TMEM108: variants seen among roughly 807,000 people sequenced by gnomAD.
TMEM108 encodes cancer/testis antigen 124.
In TMEM108, 12 loss-of-function variants were observed where a neutral mutation model predicts 35.1. The ratio of observed to expected loss-of-function variants is 0.34; its 90% CI spans 0.22 to 0.55. The LOEUF (loss-of-function observed/expected upper bound fraction) is 0.55. Ranked by LOEUF, TMEM108 falls within the 20% of genes least tolerant of loss-of-function variation. The pLI, the probability that TMEM108 is intolerant of heterozygous loss-of-function variation, is 0.89. For synonymous variants in TMEM108, 287 were observed against 308.6 expected (o/e 0.93, Z 0.73); for missense variants, 680 against 753.3 (o/e 0.90, Z 1.14).
intron 3 of TMEM108, among the ~76,000 whole-genome samples, chr3:133,352,561 G>A (rs2072035961): frequency 6.6e-6 from 1 of 152,176 alleles, no homozygotes; most frequent in Admixed American, 6.5e-5. Context: ...GTAAATCAGA[G>A]GTTCCCACAA....
chr3:133,386,382 C>T, intron 4 of TMEM108: 1 of 1,536,024 alleles, frequency 6.5e-7, no homozygotes, highest in Non-Finnish European at 8.7e-7. Flanking sequence ...GTTGAATCCT[C>T]AGGGGACCTG....
intron 2 of TMEM108, among the ~76,000 whole-genome samples, chr3:133,204,596 T>A (rs1443263040): frequency 2.0e-5 from 3 of 152,240 alleles, no homozygotes; most frequent in Non-Finnish European, 4.4e-5. Flanking sequence ...TCAGTTTCTG[T>A]GTAGTTGTGT....
chr3:133,271,601 A>C (rs956899657), intron 3 of TMEM108, among the ~76,000 whole-genome samples: 6 of 152,198 alleles, frequency 3.9e-5, no homozygotes, highest in African/African-American at 1.2e-4. Flanking sequence ...TGGTGGCTTC[A>C]CACGATTGCC....
chr3:133,135,289 A>G (rs182198133), intron 2 of TMEM108, among the ~76,000 whole-genome samples: 1 of 152,258 alleles, frequency 6.6e-6, no homozygotes, highest in East Asian at 1.9e-4. Context: ...CTCCCATACA[A>G]TATGTAATTG....
In TMEM108 at chr3:133,106,007, A is replaced by T. The variant is rs1270069252; in HGVS notation, c.-47+59987A>T. Among the ~76,000 whole-genome samples, 3 of 152,024 alleles carry T rather than the reference A, an allele frequency of 2.0e-5. No homozygotes were observed. The East Asian group carries it at 5.8e-4, about 29-fold the overall frequency. On this transcript the variant is annotated intron_variant, in intron 2 of 5. Coordinates refer to ENST00000321871, the MANE Select transcript of TMEM108 (RefSeq NM_023943.4). ...CAAATGTTTATTGATTATTCTGTTG[A>T]CAGTGCTGTGGGAGATCCTGCCCTC...
At chr3:133,235,204 T>A (rs1946216516) in intron 3 of TMEM108, among the ~76,000 whole-genome samples, 2 of 152,044 alleles carry the variant, frequency 1.3e-5, no homozygotes, top group Non-Finnish European at 2.9e-5. Flanking sequence ...TTCAATGCCA[T>A]CCCCATCAAG....
intron 2 of TMEM108, among the ~76,000 whole-genome samples, chr3:133,159,632 A>G (rs1343681538): frequency 2.0e-5 from 3 of 152,162 alleles, no homozygotes; most frequent in Non-Finnish European, 4.4e-5. Flanking sequence ...GTTCATGTTA[A>G]CTTACTTCTC....
chr3:133,201,251 A>G (rs1379020363), intron 2 of TMEM108, among the ~76,000 whole-genome samples: 1 of 152,122 alleles, frequency 6.6e-6, no homozygotes, highest in Non-Finnish European at 1.5e-5. Flanking sequence ...TCTTTGAGGT[A>G]TAGCCAATTT....
chr3:133,102,414 T>A (rs913922760), intron 2 of TMEM108, among the ~76,000 whole-genome samples: 19 of 152,230 alleles, frequency 1.2e-4, no homozygotes, highest in African/African-American at 4.3e-4. Flanking sequence ...TGCAGCATCC[T>A]AAGTTACTGC....
chr3:133,104,017 A>G (rs1208007126), intron 2 of TMEM108, among the ~76,000 whole-genome samples: 4 of 152,242 alleles, frequency 2.6e-5, no homozygotes, highest in Non-Finnish European at 5.9e-5. Flanking sequence ...AGAAGTATTC[A>G]TAAGATGCTT....
intron 1 of TMEM108, among the ~76,000 whole-genome samples, chr3:133,043,019 CTGAT>C (rs1287919706): frequency 6.6e-6 from 1 of 152,224 alleles, no homozygotes; most frequent in Non-Finnish European, 1.5e-5. Flanking sequence ...CTTTTCTTCA[CTGAT>C]TGATTGTGAG....
intron 3 of TMEM108, among the ~76,000 whole-genome samples, chr3:133,353,883 T>TA (rs974794922): frequency 6.6e-6 from 1 of 152,230 alleles, no homozygotes; most frequent in Non-Finnish European, 1.5e-5. Flanking sequence ...CTTTGCTTTA[T>TA]AAGCACCAGG....
At chr3:133,279,174 A>C (rs16840170) in intron 3 of TMEM108, among the ~76,000 whole-genome samples, 2,282 of 152,340 alleles carry the variant, frequency 0.015, 68 homozygotes, top group African/African-American at 0.052. Flanking sequence ...ACTTGCACTT[A>C]GACACAACTT....
At chr3:133,222,722 A>C (rs1026262041) in intron 2 of TMEM108, among the ~76,000 whole-genome samples, 5 of 151,988 alleles carry the variant, frequency 3.3e-5, no homozygotes, top group African/African-American at 1.2e-4. Context: ...AGAATTGTCT[A>C]CTTTGTTTTC....
At chr3:133,376,416 T>C (rs777747544) in intron 3 of TMEM108, among the ~76,000 whole-genome samples, 7 of 152,160 alleles carry the variant, frequency 4.6e-5, no homozygotes, top group Non-Finnish European at 1.0e-4. Flanking sequence ...ACACATCTGG[T>C]GCCTGGCCCC....
At chr3:133,240,636 A>G (rs1008346225) in intron 3 of TMEM108, among the ~76,000 whole-genome samples, 1 of 152,198 alleles carries the variant, frequency 6.6e-6, no homozygotes, top group African/African-American at 2.4e-5. Flanking sequence ...GCTAAAATAT[A>G]TGGTGGGAGA....
At position 133,380,297 on chromosome 3, in the gene TMEM108, G is replaced by C; in HGVS notation, c.586G>C (p.Gly196Arg). 6.2e-7 allele frequency: 1 copy of C among 1,614,110 alleles called. No homozygotes were observed. The highest frequency in any genetic ancestry group is 8.5e-7 in the Non-Finnish European group (1 of 1,179,996). Residue 196 changes from glycine (G) to arginine (R), a missense_variant, in exon 4 of 6, where the codon GGA (glycine) becomes CGA (arginine). Gly to Arg is a moderately radical substitution (Grantham distance 125). This residue lies in a region of TMEM108 where 526 missense variants were observed against 532.1 expected (regional missense o/e 0.99). Coordinates refer to ENST00000321871, the MANE Select transcript of TMEM108 (RefSeq NM_023943.4). This position sits in a 1 kb window ranked among gnomAD's most constrained non-coding sequence, Gnocchi z 5.3. ...APGGHSRSKE[G>R]QRGRNPSSTP... Reference sequence around the variant, plus strand: ...TGGTGGCCACTCCAGGAGTAAAGAAGGACAGCGAGGACGAAATCCAAGCTC... The same window carrying C: ...TGGTGGCCACTCCAGGAGTAAAGAACGACAGCGAGGACGAAATCCAAGCTC...
At position 133,288,517 on chromosome 3, in the gene TMEM108, C is replaced by T. The variant is rs1947017017; in HGVS notation, c.40+59166C>T. On this transcript the variant is annotated intron_variant, in intron 3 of 5. Transcript: ENST00000321871. Reference sequence around the variant, plus strand: ...TGGAGAGAATGTTTGCTCAAATACGCTAGTGGTACGTGCATTTGCAGCAGT... The same window carrying T: ...TGGAGAGAATGTTTGCTCAAATACGTTAGTGGTACGTGCATTTGCAGCAGT... 2.6e-5 allele frequency among the ~76,000 whole-genome samples: 4 copies of T among 152,128 alleles called. No homozygotes were observed. In the South Asian group the frequency reaches 8.3e-4, roughly 32 times the overall value.
At chr3:133,387,472 C>T in intron 4 of TMEM108, 4 of 985,448 alleles carry the variant, frequency 4.1e-6, no homozygotes, top group African/African-American at 1.7e-5. Context: ...TGTTCTGACT[C>T]CCAGGCCTTC....
Sources: gnomAD v4.1 joint callset for allele counts (sites outside exome capture counted in the v4.1 genomes callset) on GRCh38, gnomAD v4.1.1 for gene constraint, gnomAD v4.1.1 regional missense constraint, Gnocchi (gnomAD v3.1) non-coding constraint, MANE v1.5 for transcripts, NCBI Gene and HGNC (gene_info 2026-07-23, HGNC 2026-07-21) for gene names.